Variants in ITCH observed in about 807,000 individuals in gnomAD.
ITCH encodes itchy E3 ubiquitin protein ligase, also known as E3 ubiquitin-protein ligase Itchy homolog.
In ITCH, 28 loss-of-function variants were observed where a neutral mutation model predicts 126.8. The observed-to-expected ratio is 0.22, with a 90% CI of 0.16 to 0.30. ITCH has a LOEUF of 0.30. ITCH is among the 10% of genes least tolerant of loss of function. The pLI is 1.00. For missense variants in ITCH, 631 were observed against 1,032.4 expected (o/e 0.61, Z 5.33); for synonymous variants, 342 against 340.0 (o/e 1.01, Z -0.06).
At chr20:34,400,282 A>G (rs2038828223) in intron 3 of ITCH, among the ~76,000 whole-genome samples, 1 of 151,972 alleles carries the variant, frequency 6.6e-6, no homozygotes, top group African/African-American at 2.4e-5. Context: ...GTTGCCCAGG[A>G]TGGTCTTGAA....
chr20:34,492,381 A>G, intron 22 of ITCH, 120 bp from the exon 23 acceptor site: 1 of 645,560 alleles, frequency 1.5e-6, no homozygotes, highest in Non-Finnish European at 2.7e-6. Flanking sequence ...TGGGCCACAG[A>G]GCCTGGGACA....
chr20:34,476,235 T>A, intron 16 of ITCH: 2 of 807,322 alleles, frequency 2.5e-6, no homozygotes, highest in Non-Finnish European at 4.5e-6. Context: ...TTCCTTTGGT[T>A]GTTAATGTTT....
chr20:34,389,189 T>A (rs773549273), intron 2 of ITCH, among the ~76,000 whole-genome samples: 147 of 152,208 alleles, frequency 9.7e-4, no homozygotes, highest in African/African-American at 2.9e-3. Flanking sequence ...TTTTAAAAAA[T>A]TTTAATTAAA....
intron 2 of ITCH, among the ~76,000 whole-genome samples, chr20:34,370,386 A>G (rs1353558202): frequency 1.3e-5 from 2 of 152,074 alleles, no homozygotes; most frequent in African/African-American, 4.8e-5. Context: ...TTGGCCAGGC[A>G]CGGTGGCTCA....
chr20:34,420,956 G>A (rs1165397159), intron 6 of ITCH, among the ~76,000 whole-genome samples: 5 of 152,188 alleles, frequency 3.3e-5, no homozygotes, highest in Non-Finnish European at 2.9e-5. Flanking sequence ...AAATGGATCA[G>A]ACCCTTGCCA....
chr20:34,378,423 A>AGATTGCGCCATTGTACTCCAGCCTGG (rs2037926952), intron 2 of ITCH, among the ~76,000 whole-genome samples: 1 of 138,650 alleles, frequency 7.2e-6, no homozygotes, highest in Admixed American at 8.1e-5. Flanking sequence ...CAGTGAGCAG[A>AGATTGCGCCATTGTACTCCAGCCTGG]GATTGCGCCA....
At chr20:34,423,950 A>G (rs1407366456) in intron 6 of ITCH, among the ~76,000 whole-genome samples, 1 of 152,138 alleles carries the variant, frequency 6.6e-6, no homozygotes, top group African/African-American at 2.4e-5. Flanking sequence ...TCCTAAGGAT[A>G]TTTTCCATCA....
intron 2 of ITCH, among the ~76,000 whole-genome samples, chr20:34,371,589 C>T (rs2037634004): frequency 6.6e-6 from 1 of 151,964 alleles, no homozygotes; most frequent in South Asian, 2.1e-4. Flanking sequence ...CGGTCCTGTT[C>T]TTTTTTATAA....
intron 20 of ITCH, among the ~76,000 whole-genome samples, chr20:34,486,939 C>A (rs1439161392): frequency 4.6e-5 from 7 of 151,826 alleles, no homozygotes; most frequent in African/African-American, 1.2e-4. Context: ...ACCTCAGCCT[C>A]CCAAAGTGCT....
In ITCH at chr20:34,365,673, C is replaced by T. The variant is rs145070908; in HGVS notation, c.-99+2324C>T. ...CTCGTGATCCACCTGCCTTGGCCTC[C>T]CAAAGTGCTGGGTTTACAGGCATGA... On this transcript the variant is annotated intron_variant, in intron 1 of 24. Transcript: ENST00000374864. 8.3e-4 allele frequency among the ~76,000 whole-genome samples: 126 copies of T among 152,270 alleles called. 1 individual carries two copies. Among genetic ancestry groups the T allele is most frequent in the African/African-American group, 2.7e-3 (112 of 41,548 alleles).
At chr20:34,414,445 T>C (rs922879725) in intron 6 of ITCH, among the ~76,000 whole-genome samples, 1 of 148,092 alleles carries the variant, frequency 6.8e-6, no homozygotes, top group Non-Finnish European at 1.5e-5. Flanking sequence ...AGTTTAAATA[T>C]GACTTTAAAT....
intron 3 of ITCH, among the ~76,000 whole-genome samples, chr20:34,403,539 A>G (rs1399177892): frequency 6.6e-6 from 1 of 152,204 alleles, no homozygotes; most frequent in Non-Finnish European, 1.5e-5. Flanking sequence ...CAACATGTAT[A>G]TTAAATACCT....
intron 23 of ITCH, among the ~76,000 whole-genome samples, chr20:34,496,817 A>G (rs909731763): frequency 6.6e-6 from 1 of 151,788 alleles, no homozygotes; most frequent in African/African-American, 2.4e-5. Context: ...AAAAAAAAAA[A>G]AAAAGAAAAG....
intron 20 of ITCH, among the ~76,000 whole-genome samples, chr20:34,488,580 G>C (rs1312567204): frequency 1.4e-4 from 21 of 152,088 alleles, no homozygotes; most frequent in Admixed American, 1.4e-3. Flanking sequence ...GGGTGTGGTG[G>C]CGCACGCCTG....
chr20:34,466,681 C>A (rs984132732), intron 14 of ITCH, among the ~76,000 whole-genome samples: 7 of 152,126 alleles, frequency 4.6e-5, no homozygotes, highest in African/African-American at 1.7e-4. Context: ...AGGACTTACA[C>A]CACATCATTA....
In ITCH at chr20:34,489,884, T is replaced by C. The variant is rs765233172; in HGVS notation, c.2277T>C (p.Arg759=). The stretch of plus-strand genomic sequence containing the variant: ...ACTGGCAAAGACATGCCATCTACCG[T>C]CATTATGCAAGGACCAGCAAACAAA... ...LNDWQRHAIY[R]HYARTSKQIM... Residue 759 remains arginine, a synonymous_variant, in exon 22 of 25, where the codon CGT becomes CGC. Transcript: ENST00000374864. 6.2e-7 allele frequency: 1 copy of C among 1,614,038 alleles called. No homozygotes were observed.
chr20:34,504,943 T>A (rs994365688), intron 24 of ITCH, among the ~76,000 whole-genome samples: 2 of 152,218 alleles, frequency 1.3e-5, no homozygotes, highest in Admixed American at 6.5e-5. Context: ...TACATGCATG[T>A]AGTGTTTAAG....
intron 2 of ITCH, among the ~76,000 whole-genome samples, chr20:34,386,229 G>T (rs1011300119): frequency 5.3e-5 from 8 of 151,974 alleles, no homozygotes; most frequent in African/African-American, 1.9e-4. Context: ...CTTCCAAGTA[G>T]CTGGGATCAC....
chr20:34,488,943 G>T lies in ITCH; in HGVS notation c.2094-323G>T, dbSNP rs563212486. Among the ~76,000 whole-genome samples, 56 of 152,298 alleles carry T rather than the reference G, an allele frequency of 3.7e-4. No individual in the cohort carries two copies. In the South Asian group the frequency reaches 5.6e-3, roughly 15 times the overall value. On this transcript the variant is annotated intron_variant, in intron 20 of 24. Coordinates refer to ENST00000374864, the MANE Select transcript of ITCH (RefSeq NM_031483.7). ...ATTCCCAGCTACTCGGGAGGCCGAG[G>T]TAGGAGGATTGCTTGAGCCCAGGAG...
Sources: gnomAD v4.1 joint callset for allele counts (sites outside exome capture counted in the v4.1 genomes callset) on GRCh38, gnomAD v4.1.1 for gene constraint, MANE v1.5 for transcripts, NCBI Gene and HGNC (gene_info 2026-07-23, HGNC 2026-07-21) for gene names.